The following SASH1 variants were observed in gnomAD, a reference collection of about 807,000 sequenced individuals.
SASH1 encodes SAM and SH3 domain-containing protein 1.
Under a neutral mutation model 125.2 loss-of-function variants are expected in SASH1, and 44 were observed. The ratio of observed to expected loss-of-function variants is 0.35; its 90% CI spans 0.28 to 0.45. The LOEUF is 0.45. Ranked by LOEUF, SASH1 falls within the 20% of genes least tolerant of loss-of-function variation. The probability of loss-of-function intolerance (pLI) is 1.00; values close to 1 mark genes in which losing one functional copy is unlikely to be tolerated. For synonymous variants in SASH1, 639 were observed against 649.1 expected, an observed-to-expected ratio of 0.98 and a Z score of 0.24; for missense variants, 1,426 against 1,614.5, an observed-to-expected ratio of 0.88 and a Z score of 2.00.
At chr6:148,447,020 A>G (rs1776826103) in intron 4 of SASH1, among the ~76,000 whole-genome samples, 1 of 152,228 alleles carries the variant, frequency 6.6e-6, no homozygotes, top group African/African-American at 2.4e-5. Context: ...CCTACACTTC[A>G]GGGCTCCCTT....
chr6:148,486,279 C>A (rs1778838556), intron 7 of SASH1, among the ~76,000 whole-genome samples: 1 of 152,066 alleles, frequency 6.6e-6, no homozygotes, highest in Non-Finnish European at 1.5e-5. Flanking sequence ...TGCCACCAAG[C>A]CCAGCTAATT....
chr6:148,542,560 A>G (rs1025877491), intron 17 of SASH1, among the ~76,000 whole-genome samples: 1 of 152,012 alleles, frequency 6.6e-6, no homozygotes, highest in Non-Finnish European at 1.5e-5. Context: ...CTAATTTTTT[A>G]TATTTTTTAT....
intron 1 of SASH1, among the ~76,000 whole-genome samples, chr6:148,293,233 T>C (rs1779680801): frequency 6.6e-6 from 1 of 152,162 alleles, no homozygotes; most frequent in East Asian, 1.9e-4. Flanking sequence ...AATGCCCCTC[T>C]AGATGTTCTC....
the SASH1 span, among the ~76,000 whole-genome samples, chr6:148,220,311 TGTGCTCACATGGCGGAA>T: frequency 1.1e-3 from 163 of 152,286 alleles, no homozygotes; most frequent in African/African-American, 3.9e-3. Context: ...ATGAACGCTG[TGTGCTCACATGGCGGAA>T]GTGCAGAAGA....
intron 2 of SASH1, among the ~76,000 whole-genome samples, chr6:148,413,325 C>T (rs1784697518): frequency 6.6e-6 from 1 of 151,982 alleles, no homozygotes; most frequent in Non-Finnish European, 1.5e-5. Context: ...AGCAAAGACA[C>T]TAAGTGTAGA....
chr6:148,513,768 G>T, intron 8 of SASH1: 1 of 985,912 alleles, frequency 1.0e-6, no homozygotes, highest in Non-Finnish European at 1.2e-6. Flanking sequence ...AGGCGGAAGG[G>T]CTGGCTGCAA....
chr6:148,362,462 A>G (rs1782272752), intron 1 of SASH1, among the ~76,000 whole-genome samples: 1 of 151,800 alleles, frequency 6.6e-6, no homozygotes, highest in Non-Finnish European at 1.5e-5. Context: ...AGAGATTGCA[A>G]TGTGCCCCAT....
chr6:148,271,476 G>A (rs1396976007), upstream of SASH1, among the ~76,000 whole-genome samples: 1 of 152,166 alleles, frequency 6.6e-6, no homozygotes, highest in Non-Finnish European at 1.5e-5. Flanking sequence ...ACTTACTTGT[G>A]TAGGGAAGTG....
At chr6:148,366,045 G>A (rs963667854) in intron 1 of SASH1, among the ~76,000 whole-genome samples, 4 of 152,100 alleles carry the variant, frequency 2.6e-5, no homozygotes, top group Admixed American at 1.3e-4. Context: ...CCTGGGAGGT[G>A]GAGGTTGCGG....
chr6:148,514,036 G>C, intron 8 of SASH1: 2 of 1,109,182 alleles, frequency 1.8e-6, no homozygotes, highest in Non-Finnish European at 2.2e-6. Flanking sequence ...CCTCCTAAGA[G>C]AGGACAAGGA....
At chr6:148,206,563 G>T in the SASH1 span, among the ~76,000 whole-genome samples, 18 of 152,238 alleles carry the variant, frequency 1.2e-4, no homozygotes, top group East Asian at 1.5e-3. Flanking sequence ...GCCAAGGCAG[G>T]TGGACCACCC....
At chr6:148,199,609 G>A in the SASH1 span, among the ~76,000 whole-genome samples, 4,750 of 151,462 alleles carry the variant, frequency 0.031, 117 homozygotes, top group South Asian at 0.064. Context: ...GAGGCAGGAG[G>A]ACTGCTTCAG....
chr6:148,203,673 T>G, the SASH1 span, among the ~76,000 whole-genome samples: 3 of 152,228 alleles, frequency 2.0e-5, no homozygotes, highest in East Asian at 1.9e-4. Context: ...GTATAACTAT[T>G]CATAATCCAA....
chr6:148,292,143 A>G lies in SASH1; in HGVS notation n.74+19766A>G, dbSNP rs138566857. Among the ~76,000 whole-genome samples the G allele has an allele frequency of 5.3e-3, 803 of 152,364 alleles. 5 individuals are homozygous for G. The highest frequency in any genetic ancestry group is 0.018 in the African/African-American group (755 of 41,598). On this transcript the variant is annotated intron_variant and non_coding_transcript_variant, in intron 1 of 3. Transcript: ENST00000367469. Reference sequence around the variant, plus strand: ...GGTTACTTGAGATTAGAAAGTAGACAGAGTTGTCTTCTGTGATGATCTTTT... The same window carrying G: ...GGTTACTTGAGATTAGAAAGTAGACGGAGTTGTCTTCTGTGATGATCTTTT...
chr6:148,439,790 T>C (rs541395883), intron 2 of SASH1, among the ~76,000 whole-genome samples: 1 of 145,116 alleles, frequency 6.9e-6, no homozygotes, highest in East Asian at 2.1e-4. Context: ...AAAAAAAAAA[T>C]TGGATTGGAA....
At chr6:148,456,429 T>C (rs951416186) in intron 4 of SASH1, among the ~76,000 whole-genome samples, 2 of 152,190 alleles carry the variant, frequency 1.3e-5, no homozygotes, top group African/African-American at 4.8e-5. Context: ...GAGGAGCCCC[T>C]GCCAGCCTCA....
chr6:148,462,655 C>T (rs1199208497), intron 4 of SASH1, among the ~76,000 whole-genome samples: 1 of 152,152 alleles, frequency 6.6e-6, no homozygotes, highest in African/African-American at 2.4e-5. Context: ...TGAAAACTTT[C>T]TGTTTTTGCA....
chr6:148,306,339 G>T (rs1180340880), intron 1 of SASH1, among the ~76,000 whole-genome samples: 1 of 152,166 alleles, frequency 6.6e-6, no homozygotes. Flanking sequence ...ATAGATCTGA[G>T]GGGAAGATGG....
chr6:148,540,827 T>C (rs909152021), intron 17 of SASH1, among the ~76,000 whole-genome samples: 6 of 152,000 alleles, frequency 3.9e-5, no homozygotes, highest in Non-Finnish European at 8.8e-5. Flanking sequence ...AAAACCAACA[T>C]TGGAGTGTTG....
Sources: gnomAD v4.1 joint callset for allele counts (sites outside exome capture counted in the v4.1 genomes callset) on GRCh38, gnomAD v4.1.1 for gene constraint, MANE v1.5 for transcripts, NCBI Gene and HGNC (gene_info 2026-07-23, HGNC 2026-07-21) for gene names.